AFF3: variants seen among roughly 807,000 people sequenced by gnomAD.
AFF3 encodes the protein AF4/FMR2 family member 3.
Under a neutral mutation model 129.7 loss-of-function variants are expected in AFF3, and 32 were observed. That is an observed-to-expected ratio of 0.25 (90% CI 0.19 to 0.33). The LOEUF (loss-of-function observed/expected upper bound fraction) is 0.33, where lower values mean the gene tolerates loss of function less well. Ranked by LOEUF, AFF3 falls within the 10% of genes least tolerant of loss-of-function variation. The probability of loss-of-function intolerance (pLI) is 1.00; values close to 1 mark genes in which losing one functional copy is unlikely to be tolerated. For synonymous variants in AFF3, 644 were observed against 635.4 expected (o/e 1.01, Z -0.20); for missense variants, 1,373 against 1,592.0 (o/e 0.86, Z 2.34).
At chr2:100,052,979 AAAAG>A (rs1317779565) in intron 4 of AFF3, among the ~76,000 whole-genome samples, 1 of 152,242 alleles carries the variant, frequency 6.6e-6, no homozygotes, top group Admixed American at 6.5e-5. Context: ...GGCTTCTGTT[AAAAG>A]GTGTGGGGAA....
At chr2:99,889,473 C>T (rs1420245070) in intron 7 of AFF3, among the ~76,000 whole-genome samples, 1 of 152,228 alleles carries the variant, frequency 6.6e-6, no homozygotes, top group Non-Finnish European at 1.5e-5. Flanking sequence ...TGTGTTCTCA[C>T]TATGACAGAT....
At chr2:100,096,397 AG>A (rs1312669191) in intron 4 of AFF3, among the ~76,000 whole-genome samples, 3 of 151,758 alleles carry the variant, frequency 2.0e-5, no homozygotes, top group African/African-American at 7.3e-5. Flanking sequence ...CTCACTCATC[AG>A]AATTGTATTA....
chr2:99,803,502 T>C (rs1199620072), intron 8 of AFF3, among the ~76,000 whole-genome samples: 3 of 152,110 alleles, frequency 2.0e-5, no homozygotes, highest in Non-Finnish European at 4.4e-5. Context: ...AAAATGACCA[T>C]GTGGCTCAAA....
chr2:99,680,372 G>A lies in AFF3; in HGVS notation c.1092-7783C>T, dbSNP rs748432811. ...GATGTTCTCAGTATTAAAGAATTGAGTTTCTAAGGCTAAATGAATGCAAGT... is the reference window on the plus strand; with the variant it reads ...GATGTTCTCAGTATTAAAGAATTGAATTTCTAAGGCTAAATGAATGCAAGT... On this transcript the variant is annotated intron_variant, in intron 11 of 24. Coordinates refer to ENST00000672756, the MANE Select transcript of AFF3 (RefSeq NM_001386135.1). 3.7e-4 allele frequency among the ~76,000 whole-genome samples: 57 copies of A among 152,280 alleles called. 1 individual carries two copies. The Middle Eastern group carries it at 0.01, about 27-fold the overall frequency.
chr2:99,912,676 C>A (rs1421298760), intron 7 of AFF3, among the ~76,000 whole-genome samples: 4 of 152,076 alleles, frequency 2.6e-5, no homozygotes, highest in Non-Finnish European at 5.9e-5. Context: ...TTTAATGAGG[C>A]AAAATCTCAC....
intron 15 of AFF3, among the ~76,000 whole-genome samples, chr2:99,590,467 C>G (rs937573467): frequency 6.6e-6 from 1 of 152,122 alleles, no homozygotes; most frequent in Admixed American, 6.5e-5. Context: ...TCCAAGGGGC[C>G]CTGGGTGATG....
At chr2:99,768,063 T>C (rs1558831416) in intron 8 of AFF3, among the ~76,000 whole-genome samples, 1 of 152,224 alleles carries the variant, frequency 6.6e-6, no homozygotes, top group South Asian at 2.1e-4. Flanking sequence ...TGTGTCTCAA[T>C]ATTTTCAGTC....
intron 11 of AFF3, among the ~76,000 whole-genome samples, chr2:99,720,077 C>T (rs900788053): frequency 3.3e-5 from 5 of 152,206 alleles, no homozygotes; most frequent in Middle Eastern, 3.4e-3. Flanking sequence ...AAATAAAGTA[C>T]GTATCATGTA....
intron 10 of AFF3, among the ~76,000 whole-genome samples, chr2:99,741,302 T>C (rs1558805040): frequency 6.6e-6 from 1 of 152,112 alleles, no homozygotes; most frequent in Non-Finnish European, 1.5e-5. Context: ...GATGACATGA[T>C]TGTATATCTA....
At chr2:99,947,625 T>TAGACAGAC (rs1414163358) in intron 7 of AFF3, among the ~76,000 whole-genome samples, 137 of 141,706 alleles carry the variant, frequency 9.7e-4, no homozygotes, top group African/African-American at 4.1e-3. Context: ...GATAGATAGA[T>TAGACAGAC]AGATAGATAG....
Position 99,597,062 on chromosome 2 carries a change from T to C in AFF3, c.1372-2773A>G, listed in dbSNP as rs142273713. 5.3e-5 allele frequency among the ~76,000 whole-genome samples: 8 copies of C among 152,308 alleles called. No individual in the cohort carries two copies. In the East Asian group the frequency reaches 1.5e-3, roughly 29 times the overall value. ...TATTATCTCATTTAATCTTTACAGA[T>C]AAGAAAGGTTATCATCCCTAACTTG... On this transcript the variant is annotated intron_variant, in intron 14 of 24. Coordinates refer to ENST00000672756, the MANE Select transcript of AFF3 (RefSeq NM_001386135.1).
chr2:99,890,594 CCTCT>C (rs1384610654), intron 7 of AFF3, among the ~76,000 whole-genome samples: 2 of 152,162 alleles, frequency 1.3e-5, no homozygotes, highest in Non-Finnish European at 1.5e-5. Flanking sequence ...AAGCGGGCAA[CCTCT>C]CTGAGTTCTG....
chr2:99,932,198 A>AT (rs1210231563), intron 7 of AFF3, among the ~76,000 whole-genome samples: 9 of 151,434 alleles, frequency 5.9e-5, no homozygotes, highest in Non-Finnish European at 1.2e-4. Flanking sequence ...ACATTATGAG[A>AT]TTTTTTTTGC....
chr2:99,571,814 C>T (rs1435917363), intron 18 of AFF3, among the ~76,000 whole-genome samples: 1 of 152,186 alleles, frequency 6.6e-6, no homozygotes, highest in Non-Finnish European at 1.5e-5. Context: ...GGATGTCACC[C>T]AGTGTCCAGC....
intron 11 of AFF3, among the ~76,000 whole-genome samples, chr2:99,719,909 C>T (rs898949328): frequency 2.6e-5 from 4 of 152,078 alleles, no homozygotes; most frequent in South Asian, 2.1e-4. Flanking sequence ...TGGTGGCGGG[C>T]GCCTGTAGTC....
intron 23 of AFF3, 62 bp downstream of exon 23, chr2:99,554,621 G>A (rs1674748101): frequency 1.2e-5 from 20 of 1,611,704 alleles, no homozygotes; most frequent in Non-Finnish European, 1.5e-5. Flanking sequence ...AAAGCAAAGC[G>A]CAGTGGCCCA....
At chr2:99,663,364 CAGAGCA>C (rs1221401793) in intron 12 of AFF3, among the ~76,000 whole-genome samples, 1 of 152,110 alleles carries the variant, frequency 6.6e-6, no homozygotes, top group Admixed American at 6.5e-5. Flanking sequence ...ATTTTGTGCT[CAGAGCA>C]ACCTCACCTA....
chr2:100,103,192 A>T (rs1690874932), intron 4 of AFF3, among the ~76,000 whole-genome samples: 1 of 152,216 alleles, frequency 6.6e-6, no homozygotes, highest in Non-Finnish European at 1.5e-5. Flanking sequence ...CAGAAAATAC[A>T]CACAGATCCA....
At chr2:99,986,505 G>A (rs1381390039) in intron 7 of AFF3, among the ~76,000 whole-genome samples, 1 of 152,008 alleles carries the variant, frequency 6.6e-6, no homozygotes, top group African/African-American at 2.4e-5. Context: ...ACTTTAAACT[G>A]ATTTTCCTCC....
Sources: allele counts gnomAD v4.1 joint callset (sites outside exome capture counted in the v4.1 genomes callset), GRCh38; gene constraint gnomAD v4.1.1; transcripts MANE v1.5; gene names NCBI Gene and HGNC (gene_info 2026-07-23, HGNC 2026-07-21).